Variants in SASH1 observed in about 807,000 individuals in gnomAD.
SASH1 encodes SAM and SH3 domain-containing protein 1.
Under a neutral mutation model 125.2 loss-of-function variants are expected in SASH1, and 44 were observed. The ratio of observed to expected loss-of-function variants is 0.35; its 90% CI spans 0.28 to 0.45. SASH1 has a LOEUF of 0.45. Among genes scored for constraint, SASH1 ranks in the 20% least tolerant of loss-of-function variants. The probability of loss-of-function intolerance (pLI) is 1.00; values close to 1 mark genes in which losing one functional copy is unlikely to be tolerated. For missense variants in SASH1, 1,426 were observed against 1,614.5 expected (o/e 0.88, Z 2.00); for synonymous variants, 639 against 649.1 (o/e 0.98, Z 0.24).
At chr6:148,333,120 C>T (rs1015424672) in intron 1 of SASH1, among the ~76,000 whole-genome samples, 3 of 152,082 alleles carry the variant, frequency 2.0e-5, no homozygotes, top group Non-Finnish European at 4.4e-5. Context: ...TCTGCAGGGG[C>T]TTTCAAATTT....
upstream of SASH1, among the ~76,000 whole-genome samples, chr6:148,268,183 T>C (rs1419105360): frequency 6.6e-6 from 1 of 152,224 alleles, no homozygotes; most frequent in Non-Finnish European, 1.5e-5. Context: ...TTTGGGATGC[T>C]AGGAAATGCA....
rs34513109 is a variant in SASH1, at chr6:148,302,341, A to AAAAAAAAAAAAAAAAAAT, written n.74+29964_74+29965insAAAAAAAAAAAAAAAAAT. Among the ~76,000 whole-genome samples, 41 of 104,440 alleles carry AAAAAAAAAAAAAAAAAAT rather than the reference A, an allele frequency of 3.9e-4. 8 individuals carry two copies. The East Asian group carries it at 4.3e-3, about 11-fold the overall frequency. The allele number at this position is 104,440 out of a possible 152,430, so 68.5% of individuals were successfully genotyped here. A position where few individuals can be genotyped will look rare whatever the true frequency, so the allele number is the denominator to read the frequency against. On this transcript the variant is annotated intron_variant and non_coding_transcript_variant, in intron 1 of 3. Transcript: ENST00000367469. ...AAAAAAAAAAAAAAAAAAAAAAAAA[A>AAAAAAAAAAAAAAAAAAT]CTAGTAATATTATGACCTTGGTTAA...
At chr6:148,211,111 G>T in the SASH1 span, among the ~76,000 whole-genome samples, 1 of 152,160 alleles carries the variant, frequency 6.6e-6, no homozygotes, top group Non-Finnish European at 1.5e-5. Flanking sequence ...AGCAACTAAA[G>T]ATATGCTACC....
At chr6:148,432,558 C>T (rs796648116) in intron 2 of SASH1, among the ~76,000 whole-genome samples, 23 of 152,294 alleles carry the variant, frequency 1.5e-4, no homozygotes, top group African/African-American at 5.3e-4. Flanking sequence ...AGCATCCGAT[C>T]GCCTCTGGCT....
intron 5 of SASH1, chr6:148,469,114 T>A (rs6570853): frequency 0.7 from 105,775 of 152,048 alleles, 37,584 homozygotes; most frequent in African/African-American, 0.8. Flanking sequence ...ACAGCTATTT[T>A]GTTTGGGTCA....
At chr6:148,294,925 A>T (rs979700677) in intron 1 of SASH1, among the ~76,000 whole-genome samples, 19 of 152,246 alleles carry the variant, frequency 1.2e-4, no homozygotes, top group African/African-American at 4.3e-4. Flanking sequence ...AATGGGAATT[A>T]AAAAACACTG....
chr6:148,243,987 C>T, the SASH1 span, among the ~76,000 whole-genome samples: 2 of 152,202 alleles, frequency 1.3e-5, no homozygotes, highest in Non-Finnish European at 2.9e-5. Context: ...TCAGGGGACA[C>T]TCTCTGCCTC....
At chr6:148,414,811 G>A (rs1243356194) in intron 2 of SASH1, among the ~76,000 whole-genome samples, 2 of 152,058 alleles carry the variant, frequency 1.3e-5, no homozygotes, top group African/African-American at 4.8e-5. Context: ...GTTTACAGAT[G>A]CCTGCCACCA....
rs957047425 is a variant in SASH1, at chr6:148,361,019, G to A, written c.156+17796G>A. Among the ~76,000 whole-genome samples, 3 of 152,240 alleles carry A rather than the reference G, an allele frequency of 2.0e-5. No homozygotes were observed. In the South Asian group the frequency reaches 6.2e-4, roughly 32 times the overall value. ...CTGGGACACAGACACAGATGTGCAC[G>A]GGGGGAAGATGAAGTAAAGACACCC... On this transcript the variant is annotated intron_variant, in intron 1 of 19. Coordinates refer to ENST00000367467, the MANE Select transcript of SASH1 (RefSeq NM_015278.5).
intron 2 of SASH1, among the ~76,000 whole-genome samples, chr6:148,436,866 C>T (rs952925600): frequency 2.8e-4 from 42 of 152,314 alleles, no homozygotes; most frequent in African/African-American, 7.2e-4. Context: ...ATTTGTTACA[C>T]GGCAGTAGTA....
the SASH1 span, among the ~76,000 whole-genome samples, chr6:148,223,892 G>C: frequency 6.6e-6 from 1 of 152,106 alleles, no homozygotes; most frequent in Non-Finnish European, 1.5e-5. Flanking sequence ...TACTGCTTTG[G>C]CTCTTTGGAA....
the SASH1 span, among the ~76,000 whole-genome samples, chr6:148,258,981 A>G: frequency 6.6e-6 from 1 of 152,224 alleles, no homozygotes; most frequent in Non-Finnish European, 1.5e-5. Flanking sequence ...GTTGACCTCA[A>G]TGAACAAAAT....
intron 1 of SASH1, among the ~76,000 whole-genome samples, chr6:148,350,971 C>T (rs984148496): frequency 3.9e-5 from 6 of 152,152 alleles, no homozygotes; most frequent in African/African-American, 1.4e-4. Flanking sequence ...TGTTGAACGT[C>T]CCTTCTTTTG....
the SASH1 span, among the ~76,000 whole-genome samples, chr6:148,226,381 A>ACAAT: frequency 6.6e-6 from 1 of 152,212 alleles, no homozygotes; most frequent in Non-Finnish European, 1.5e-5. Flanking sequence ...AATAAATGTG[A>ACAAT]CAATCATAAA....
intron 2 of SASH1, among the ~76,000 whole-genome samples, chr6:148,409,497 C>G (rs1784527464): frequency 6.6e-6 from 1 of 152,210 alleles, no homozygotes; most frequent in African/African-American, 2.4e-5. Context: ...AGTACCACCT[C>G]AGGGCTATGT....
the SASH1 span, among the ~76,000 whole-genome samples, chr6:148,238,084 C>G: frequency 1.3e-5 from 2 of 152,150 alleles, no homozygotes; most frequent in Non-Finnish European, 2.9e-5. Flanking sequence ...CGGCTTGTTA[C>G]TTTTTCTTCA....
chr6:148,527,250 C>A, intron 11 of SASH1: 1 of 469,300 alleles, frequency 2.1e-6, no homozygotes, highest in Non-Finnish European at 3.6e-6. Context: ...GACTCACATC[C>A]CACTTTAAGC....
intron 1 of SASH1, among the ~76,000 whole-genome samples, chr6:148,384,993 C>G (rs1157595777): frequency 2.6e-5 from 4 of 152,110 alleles, no homozygotes; most frequent in Admixed American, 1.3e-4. Flanking sequence ...GTAAAAGATT[C>G]TTTTTGTGGG....
intron 1 of SASH1, among the ~76,000 whole-genome samples, chr6:148,348,071 A>G (rs1296779717): frequency 2.6e-5 from 4 of 152,062 alleles, no homozygotes; most frequent in Admixed American, 6.6e-5. Flanking sequence ...CAGTGGTGCA[A>G]TCTCCGGTCA....
Sources: gnomAD v4.1 joint callset for allele counts (sites outside exome capture counted in the v4.1 genomes callset) on GRCh38, gnomAD v4.1.1 for gene constraint, MANE v1.5 for transcripts, NCBI Gene and HGNC (gene_info 2026-07-23, HGNC 2026-07-21) for gene names.